Variants in FSTL4 observed in about 807,000 individuals in gnomAD.
The protein encoded by FSTL4 is follistatin like 4.
Under a neutral mutation model 78.2 loss-of-function variants are expected in FSTL4, and 28 were observed. The observed-to-expected ratio is 0.36, with a 90% CI of 0.27 to 0.49. The LOEUF (loss-of-function observed/expected upper bound fraction) is 0.49. Ranked by LOEUF, FSTL4 falls within the 20% of genes least tolerant of loss-of-function variation. FSTL4 has a pLI of 0.98. For synonymous variants in FSTL4, 422 were observed against 440.5 expected (o/e 0.96, Z 0.53); for missense variants, 922 against 1,084.9 (o/e 0.85, Z 2.11).
intron 3 of FSTL4, among the ~76,000 whole-genome samples, chr5:133,418,698 G>A (rs1052879032): frequency 6.6e-6 from 1 of 152,104 alleles, no homozygotes; most frequent in Non-Finnish European, 1.5e-5. Context: ...CTGAGAGGAT[G>A]GAAATAGCAT....
chr5:133,371,748 A>T (rs1755307086), intron 4 of FSTL4, among the ~76,000 whole-genome samples: 1 of 152,264 alleles, frequency 6.6e-6, no homozygotes, highest in African/African-American at 2.4e-5. Context: ...TTACAGGAGC[A>T]TCATTAAAGA....
At chr5:133,341,003 G>A (rs1052651813) in intron 4 of FSTL4, among the ~76,000 whole-genome samples, 1 of 151,858 alleles carries the variant, frequency 6.6e-6, no homozygotes, top group East Asian at 1.9e-4. Context: ...CCACCCCAAG[G>A]CCCAGGTGCG....
At chr5:133,513,965 T>C (rs1032283267) in intron 3 of FSTL4, among the ~76,000 whole-genome samples, 1 of 151,986 alleles carries the variant, frequency 6.6e-6, no homozygotes, top group African/African-American at 2.4e-5. Context: ...GATCACGAGG[T>C]CAGGAGATCG....
intron 11 of FSTL4, among the ~76,000 whole-genome samples, chr5:133,221,912 T>TTTTTG (rs1751137300): frequency 7.0e-5 from 8 of 114,000 alleles, no homozygotes; most frequent in African/African-American, 3.2e-4. Flanking sequence ...TTTTTTTTTT[T>TTTTTG]TTTTTTTTTT....
chr5:133,512,893 C>T (rs950979595), intron 3 of FSTL4, among the ~76,000 whole-genome samples: 1 of 152,108 alleles, frequency 6.6e-6, no homozygotes, highest in African/African-American at 2.4e-5. Flanking sequence ...TCTTGGCTCA[C>T]TGCAACCTCC....
intron 3 of FSTL4, among the ~76,000 whole-genome samples, chr5:133,539,289 T>G (rs1436070563): frequency 6.6e-6 from 1 of 152,138 alleles, no homozygotes; most frequent in Non-Finnish European, 1.5e-5. Flanking sequence ...CCCTCCCATA[T>G]GCAATAATCC....
the FSTL4 span, among the ~76,000 whole-genome samples, chr5:133,764,588 C>T: frequency 3.1e-3 from 450 of 145,576 alleles, 3 homozygotes; most frequent in African/African-American, 0.012. Flanking sequence ...GCACATAAAA[C>T]CATGTGCCTT....
At chr5:133,838,737 A>G in the FSTL4 span, among the ~76,000 whole-genome samples, 1 of 152,026 alleles carries the variant, frequency 6.6e-6, no homozygotes, top group Admixed American at 6.6e-5. Flanking sequence ...AAGGAAAGGC[A>G]GGAGGTAATT....
chr5:133,817,868 C>A, the FSTL4 span, among the ~76,000 whole-genome samples: 1 of 152,202 alleles, frequency 6.6e-6, no homozygotes, highest in Non-Finnish European at 1.5e-5. Context: ...TCACATCATC[C>A]TCCTAACAAC....
rs530932964 is a variant in FSTL4, at chr5:133,511,425, C to T, written c.160+55761G>A. Among the ~76,000 whole-genome samples, 7 of 152,270 alleles carry T rather than the reference C, an allele frequency of 4.6e-5. No homozygotes were observed. The East Asian group carries it at 9.7e-4, about 21-fold the overall frequency. On this transcript the variant is annotated intron_variant, in intron 3 of 15. Coordinates refer to ENST00000265342, the MANE Select transcript of FSTL4 (RefSeq NM_015082.2). The stretch of plus-strand genomic sequence containing the variant: ...CCACGATCCTTACCATACCCACAGC[C>T]TCTTCTAAGGAAAACTGTCTTGACC...
intron 6 of FSTL4, among the ~76,000 whole-genome samples, chr5:133,276,232 T>C (rs974103742): frequency 6.6e-6 from 1 of 152,202 alleles, no homozygotes; most frequent in African/African-American, 2.4e-5. Context: ...CTCACAACCC[T>C]GTCTTCAGCT....
chr5:133,662,723 G>A, the FSTL4 span, among the ~76,000 whole-genome samples: 1 of 152,156 alleles, frequency 6.6e-6, no homozygotes, highest in African/African-American at 2.4e-5. Flanking sequence ...GAGCTCCCCA[G>A]GGCTGTGCTT....
chr5:133,568,753 G>A (rs777376259), intron 2 of FSTL4, among the ~76,000 whole-genome samples: 1 of 152,140 alleles, frequency 6.6e-6, no homozygotes, highest in South Asian at 2.1e-4. Context: ...CTGCTCCAAG[G>A]CCTGGCACCT....
At chr5:133,408,734 A>G (rs1337808203) in intron 3 of FSTL4, among the ~76,000 whole-genome samples, 1 of 152,168 alleles carries the variant, frequency 6.6e-6, no homozygotes, top group Non-Finnish European at 1.5e-5. Context: ...AGCCCAGGCA[A>G]GGTTCCACCT....
chr5:133,221,918 T>G (rs75528429), intron 11 of FSTL4, among the ~76,000 whole-genome samples: 7 of 132,386 alleles, frequency 5.3e-5, no homozygotes, highest in Admixed American at 3.7e-4. Context: ...TTTTTTTTTT[T>G]TTTTTTTTTA....
At chr5:133,296,595 G>C (rs1010040275) in intron 6 of FSTL4, among the ~76,000 whole-genome samples, 2 of 152,160 alleles carry the variant, frequency 1.3e-5, no homozygotes, top group Non-Finnish European at 2.9e-5. Flanking sequence ...TGCGTGGCGA[G>C]TGCCCTCACC....
rs147325973 is a variant in FSTL4 at position 133,440,766 on chromosome 5, C to T, written c.161-39780G>A. ...CACAGCGTGGAAGACACGTTTCAGG[C>T]AGGACATGAGAACCACGCCCCCAGC... On this transcript the variant is annotated intron_variant, in intron 3 of 15. Transcript: ENST00000265342. The surrounding 1 kb of genome is among the most constrained non-coding windows in gnomAD (Gnocchi z 4.1). Among the ~76,000 whole-genome samples the T allele has an allele frequency of 3.3e-4, 50 of 152,288 alleles. No homozygotes were observed. Among genetic ancestry groups the T allele is most frequent in the Non-Finnish European group, 5.1e-4 (35 of 68,028 alleles).
chr5:133,741,557 C>T, the FSTL4 span, among the ~76,000 whole-genome samples: 6 of 152,298 alleles, frequency 3.9e-5, no homozygotes, highest in African/African-American at 7.2e-5. Flanking sequence ...GGAATGGGAG[C>T]GGGGGCAAGA....
intron 3 of FSTL4, among the ~76,000 whole-genome samples, chr5:133,526,072 C>A (rs897897741): frequency 6.6e-6 from 1 of 152,092 alleles, no homozygotes; most frequent in East Asian, 1.9e-4. Flanking sequence ...GAGGAAAGCA[C>A]GACTTTAACA....
Sources: gnomAD v4.1 joint callset for allele counts (sites outside exome capture counted in the v4.1 genomes callset) on GRCh38, gnomAD v4.1.1 for gene constraint, Gnocchi (gnomAD v3.1) non-coding constraint, MANE v1.5 for transcripts, NCBI Gene and HGNC (gene_info 2026-07-23, HGNC 2026-07-21) for gene names.